The following CLIC4 variants were observed in gnomAD, a reference collection of about 807,000 sequenced individuals.
CLIC4 encodes the protein chloride intracellular channel protein 4.
CLIC4 carries 13 observed loss-of-function variants against 24.6 expected under a neutral mutation model. That is an observed-to-expected ratio of 0.53 (90% CI 0.34 to 0.84). The LOEUF (loss-of-function observed/expected upper bound fraction) is 0.84. CLIC4 is among the 40% of genes least tolerant of loss of function. CLIC4 has a pLI of 0.01. For synonymous variants in CLIC4, 104 were observed against 111.3 expected (o/e 0.93, Z 0.41); for missense variants, 227 against 301.7 (o/e 0.75, Z 1.83).
chr1:24,752,545 A>T (rs188156257), intron 1 of CLIC4, among the ~76,000 whole-genome samples: 33 of 152,296 alleles, frequency 2.2e-4, no homozygotes, highest in Admixed American at 6.5e-4. Flanking sequence ...TAAGGGCCCC[A>T]GCTCAGAAGT....
intron 1 of CLIC4, among the ~76,000 whole-genome samples, chr1:24,763,350 A>C (rs1638951191): frequency 6.6e-6 from 1 of 151,770 alleles, no homozygotes; most frequent in African/African-American, 2.4e-5. Context: ...GACCAGCCTG[A>C]CTAATATGGA....
At chr1:24,778,391 C>T (rs1639165667) in intron 1 of CLIC4, among the ~76,000 whole-genome samples, 1 of 152,124 alleles carries the variant, frequency 6.6e-6, no homozygotes, top group African/African-American at 2.4e-5. Flanking sequence ...CTGCAAAATA[C>T]ACTACTCAAT....
At chr1:24,782,720 C>G (rs1639219490) in intron 1 of CLIC4, among the ~76,000 whole-genome samples, 1 of 152,152 alleles carries the variant, frequency 6.6e-6, no homozygotes, top group Non-Finnish European at 1.5e-5. Flanking sequence ...CACAGTGGCT[C>G]TGTAATCCCA....
chr1:24,827,916 G>C (rs1639803091), intron 4 of CLIC4, among the ~76,000 whole-genome samples: 2 of 152,130 alleles, frequency 1.3e-5, no homozygotes, highest in Non-Finnish European at 2.9e-5. Flanking sequence ...GGGGAAAACT[G>C]TGTAGCACAC....
intron 1 of CLIC4, among the ~76,000 whole-genome samples, chr1:24,748,830 G>A (rs1356386792): frequency 6.6e-6 from 1 of 152,028 alleles, no homozygotes; most frequent in Non-Finnish European, 1.5e-5. Flanking sequence ...GGGGAAAAAA[G>A]GACAGGTAAA....
chr1:24,811,309 T>C (rs1011790365), intron 2 of CLIC4, among the ~76,000 whole-genome samples: 3 of 152,194 alleles, frequency 2.0e-5, no homozygotes, highest in Non-Finnish European at 4.4e-5. Flanking sequence ...CAAGTAAATT[T>C]GGAAAATTTT....
intron 2 of CLIC4, among the ~76,000 whole-genome samples, chr1:24,805,842 T>C (rs1210436610): frequency 6.6e-6 from 1 of 152,232 alleles, no homozygotes; most frequent in East Asian, 1.9e-4. Flanking sequence ...TCTTAAAATA[T>C]TAGCTCCTAT....
rs1432794627 is a variant in CLIC4, at chr1:24,754,988, C to A, written c.72+9363C>A. 2.0e-5 allele frequency among the ~76,000 whole-genome samples: 3 copies of A among 149,892 alleles called. No homozygotes were observed. The Admixed American group carries it at 2.0e-4, about 10-fold the overall frequency. On this transcript the variant is annotated intron_variant, in intron 1 of 5. Coordinates refer to ENST00000374379, the MANE Select transcript of CLIC4 (RefSeq NM_013943.3). ...TCGGGAGGCTGAGGCAGGAGAATTGCTTTAACCTGGGAGGCGGAGGTTGCA... is the reference window on the plus strand; with the variant it reads ...TCGGGAGGCTGAGGCAGGAGAATTGATTTAACCTGGGAGGCGGAGGTTGCA...
At chr1:24,778,400 A>G (rs1466991371) in intron 1 of CLIC4, among the ~76,000 whole-genome samples, 1 of 152,204 alleles carries the variant, frequency 6.6e-6, no homozygotes, top group East Asian at 1.9e-4. Flanking sequence ...ACACTACTCA[A>G]TACATAGTAG....
chr1:24,798,220 T>G (rs2124132454), intron 2 of CLIC4, among the ~76,000 whole-genome samples: 1 of 152,356 alleles, frequency 6.6e-6, no homozygotes, highest in East Asian at 1.9e-4. Flanking sequence ...CATGTGATCT[T>G]TATAATCTGG....
intron 1 of CLIC4, among the ~76,000 whole-genome samples, chr1:24,752,329 G>A (rs958540397): frequency 6.6e-6 from 1 of 152,146 alleles, no homozygotes; most frequent in South Asian, 2.1e-4. Flanking sequence ...TATGATGGAA[G>A]TTTATTTCTC....
At chr1:24,771,152 G>A (rs1233970570) in intron 1 of CLIC4, among the ~76,000 whole-genome samples, 1 of 152,094 alleles carries the variant, frequency 6.6e-6, no homozygotes, top group African/African-American at 2.4e-5. Flanking sequence ...CATCTGTGGC[G>A]CATCTTACTA....
chr1:24,798,796 C>G (rs1639436462), intron 2 of CLIC4, among the ~76,000 whole-genome samples: 3 of 151,344 alleles, frequency 2.0e-5, no homozygotes, highest in African/African-American at 7.2e-5. Flanking sequence ...CCTGCGATTG[C>G]AGGCACGCGC....
chr1:24,776,286 A>C (rs767740388), intron 1 of CLIC4, among the ~76,000 whole-genome samples: 8 of 152,130 alleles, frequency 5.3e-5, no homozygotes, highest in African/African-American at 1.4e-4. Flanking sequence ...TTTCCATTGG[A>C]GTTTTAGCTG....
At chr1:24,802,035 C>T (rs1478998566) in intron 2 of CLIC4, among the ~76,000 whole-genome samples, 2 of 152,174 alleles carry the variant, frequency 1.3e-5, no homozygotes, top group Admixed American at 1.3e-4. Context: ...ATAGAGTGTG[C>T]CACCAGGCAC....
At chr1:24,758,146 T>A (rs1415513734) in intron 1 of CLIC4, among the ~76,000 whole-genome samples, 1 of 152,190 alleles carries the variant, frequency 6.6e-6, no homozygotes, top group Non-Finnish European at 1.5e-5. Context: ...AGTATATTCA[T>A]TGTGTGTATT....
At chr1:24,780,175 C>A (rs945355059) in intron 1 of CLIC4, among the ~76,000 whole-genome samples, 7 of 152,134 alleles carry the variant, frequency 4.6e-5, no homozygotes, top group African/African-American at 1.7e-4. Flanking sequence ...TTCATGATAA[C>A]CCTGTGAAGT....
intron 1 of CLIC4, among the ~76,000 whole-genome samples, chr1:24,792,597 T>C (rs1166868082): frequency 6.6e-6 from 1 of 152,228 alleles, no homozygotes; most frequent in East Asian, 1.9e-4. Flanking sequence ...TTGTTCATGG[T>C]GACGATGACT....
At chr1:24,795,559 A>G (rs189051350) in intron 1 of CLIC4, among the ~76,000 whole-genome samples, 150 of 152,088 alleles carry the variant, frequency 9.9e-4, no homozygotes, top group Non-Finnish European at 1.9e-3. Flanking sequence ...TAAAAAAAAA[A>G]CAGGATATAG....
Sources: gnomAD v4.1 joint callset for allele counts (sites outside exome capture counted in the v4.1 genomes callset) on GRCh38, gnomAD v4.1.1 for gene constraint, MANE v1.5 for transcripts, NCBI Gene and HGNC (gene_info 2026-07-23, HGNC 2026-07-21) for gene names.